NEK10: variants seen among roughly 807,000 people sequenced by gnomAD.
NEK10 encodes the protein NIMA related kinase 10, also known as serine/threonine-protein kinase Nek10.
NEK10 carries 122 observed loss-of-function variants against 159.8 expected under a neutral mutation model. The observed-to-expected ratio is 0.76, with a 90% CI of 0.66 to 0.89. The LOEUF (loss-of-function observed/expected upper bound fraction) is 0.89. Ranked by LOEUF, NEK10 falls within the 40% of genes least tolerant of loss-of-function variation. The pLI is 0.00. For synonymous variants in NEK10, 466 were observed against 457.1 expected (o/e 1.02, Z -0.25); for missense variants, 1,342 against 1,323.1 (o/e 1.01, Z -0.22).
chr3:27,157,952 A>G (rs939641708), intron 30 of NEK10, among the ~76,000 whole-genome samples: 7 of 152,196 alleles, frequency 4.6e-5, no homozygotes, highest in African/African-American at 1.4e-4. Flanking sequence ...TTTTAGCAAC[A>G]AGGCATTTTT....
chr3:27,207,149 T>C (rs1950606251), intron 23 of NEK10, among the ~76,000 whole-genome samples: 1 of 152,178 alleles, frequency 6.6e-6, no homozygotes, highest in Non-Finnish European at 1.5e-5. Flanking sequence ...GGCTTCAGAT[T>C]TGCCCCTAAT....
intron 32 of NEK10, among the ~76,000 whole-genome samples, chr3:27,123,234 C>T (rs1217545628): frequency 6.6e-6 from 1 of 152,024 alleles, no homozygotes; most frequent in Non-Finnish European, 1.5e-5. Flanking sequence ...AAATCATGAA[C>T]CATGAAATGA....
chr3:27,334,966 T>C (rs968533256), intron 5 of NEK10, among the ~76,000 whole-genome samples: 2 of 151,808 alleles, frequency 1.3e-5, no homozygotes, highest in South Asian at 4.2e-4. Flanking sequence ...ATAAGAAAAG[T>C]CCAAAAAATA....
At chr3:27,314,060 C>T (rs1413230824) in intron 7 of NEK10, among the ~76,000 whole-genome samples, 1 of 152,112 alleles carries the variant, frequency 6.6e-6, no homozygotes, top group Non-Finnish European at 1.5e-5. Context: ...TTTTATAGCA[C>T]TTTCTCATTT....
intron 22 of NEK10, among the ~76,000 whole-genome samples, chr3:27,256,759 A>C (rs1956225228): frequency 6.6e-6 from 1 of 152,188 alleles, no homozygotes; most frequent in Non-Finnish European, 1.5e-5. Context: ...AACGTGTACT[A>C]ATCACAGTAC....
At chr3:27,309,306 T>C (rs1158505282) in intron 9 of NEK10, 2 of 172,254 alleles carry the variant, frequency 1.2e-5, no homozygotes, top group African/African-American at 2.4e-5. Flanking sequence ...TTTTTGTCAA[T>C]ATAATCAAGT....
rs185092680 is a variant in NEK10, at chr3:27,365,253, C to T, written c.-38+3972G>A. Among the ~76,000 whole-genome samples, 137 of 152,280 alleles carry T rather than the reference C, an allele frequency of 9.0e-4. 3 individuals carry two copies. In the East Asian group the frequency reaches 0.023, roughly 26 times the overall value. On this transcript the variant is annotated intron_variant, in intron 1 of 35. Coordinates refer to ENST00000691995, the MANE Select transcript of NEK10 (RefSeq NM_001394966.1). ...CAAGGTCAGTGTTATGGCTGCTGTGCTTTATCTGTCCTGCTTGTAGTTTTT... is the reference window on the plus strand; with the variant it reads ...CAAGGTCAGTGTTATGGCTGCTGTGTTTTATCTGTCCTGCTTGTAGTTTTT...
In NEK10 at chr3:27,119,802, G is replaced by C; in HGVS notation, c.3148C>G (p.Arg1050Gly). The C allele has an allele frequency of 6.2e-7, 1 of 1,613,940 alleles. No individual in the cohort carries two copies. The highest frequency in any genetic ancestry group is 1.1e-5 in the South Asian group (1 of 91,090). Reference sequence around the variant, plus strand: ...GACAGGCTGTTTCCACCGGATGAACGATGTAATAAATGGTAATCTGCTGTG... The same window carrying C: ...GACAGGCTGTTTCCACCGGATGAACCATGTAATAAATGGTAATCTGCTGTG... ...FFTADYHLLH[R>G]SSGGNSLSPN... The change falls in exon 33 of 36, where the codon CGT becomes GGT. Residue 1050 changes from arginine to glycine, a missense_variant. Transcript: ENST00000691995.
At chr3:27,130,076 G>C (rs968466887) in intron 32 of NEK10, among the ~76,000 whole-genome samples, 1 of 152,076 alleles carries the variant, frequency 6.6e-6, no homozygotes, top group African/African-American at 2.4e-5. Flanking sequence ...TGCCTGTAGA[G>C]GAATGGAACC....
intron 30 of NEK10, among the ~76,000 whole-genome samples, chr3:27,144,188 T>C (rs1559509612): frequency 1.3e-5 from 2 of 152,166 alleles, no homozygotes. Flanking sequence ...TAAACTGTTG[T>C]ACAATTTATT....
At chr3:27,202,377 G>C in intron 24 of NEK10, 51 bp downstream of exon 24, 3 of 1,531,210 alleles carry the variant, frequency 2.0e-6, no homozygotes, top group Non-Finnish European at 1.8e-6. Flanking sequence ...ATAAGAAAAA[G>C]AATTGCATTT....
intron 26 of NEK10, among the ~76,000 whole-genome samples, chr3:27,187,223 C>T (rs1033645423): frequency 6.6e-6 from 1 of 152,136 alleles, no homozygotes; most frequent in African/African-American, 2.4e-5. Context: ...AGAGCCCCTG[C>T]CCCTCTCTCA....
intron 5 of NEK10, among the ~76,000 whole-genome samples, chr3:27,341,250 T>C (rs942515179): frequency 6.6e-6 from 1 of 152,118 alleles, no homozygotes; most frequent in Non-Finnish European, 1.5e-5. Context: ...GGTACAAATG[T>C]ATTGTTAGAT....
intron 5 of NEK10, among the ~76,000 whole-genome samples, chr3:27,340,350 C>A (rs2047113612): frequency 6.6e-6 from 1 of 152,072 alleles, no homozygotes; most frequent in African/African-American, 2.4e-5. Flanking sequence ...CCCACTGGGG[C>A]CTATTGGGTG....
intron 13 of NEK10, among the ~76,000 whole-genome samples, chr3:27,299,040 G>A (rs539630801): frequency 1.3e-5 from 2 of 152,324 alleles, no homozygotes; most frequent in South Asian, 4.1e-4. Context: ...CAAGCCTGCT[G>A]CAGAAATTTG....
intron 22 of NEK10, among the ~76,000 whole-genome samples, chr3:27,279,389 C>A (rs931170749): frequency 2.0e-5 from 3 of 152,186 alleles, no homozygotes; most frequent in African/African-American, 7.2e-5. Context: ...CATGCTTTCA[C>A]ACCCACAGCA....
chr3:27,364,732 A>G (rs2048937935), intron 1 of NEK10, among the ~76,000 whole-genome samples: 1 of 152,246 alleles, frequency 6.6e-6, no homozygotes, highest in African/African-American at 2.4e-5. Context: ...GGTGATTAGT[A>G]TTATATCTCC....
chr3:27,341,581 C>T (rs890417746), intron 5 of NEK10, among the ~76,000 whole-genome samples: 6 of 152,120 alleles, frequency 3.9e-5, no homozygotes, highest in Non-Finnish European at 7.4e-5. Flanking sequence ...ATGATACTTT[C>T]CCTTGTCCTT....
chr3:27,350,624 T>C lies in NEK10; in HGVS notation c.132+1841A>G, dbSNP rs116206302. 4.3e-3 allele frequency among the ~76,000 whole-genome samples: 654 copies of C among 152,284 alleles called. 4 individuals are homozygous for C. The highest frequency in any genetic ancestry group is 0.015 in the African/African-American group (619 of 41,562). ...ACTCAAGCATTACAAATATACATTT[T>C]TGTACATGTGAAAGATTTTACAAAA... On this transcript the variant is annotated intron_variant, in intron 3 of 35. Transcript: ENST00000691995.
Sources: allele counts gnomAD v4.1 joint callset (sites outside exome capture counted in the v4.1 genomes callset), GRCh38; gene constraint gnomAD v4.1.1; transcripts MANE v1.5; gene names NCBI Gene and HGNC (gene_info 2026-07-23, HGNC 2026-07-21).